The following HEMK2 variants were observed in gnomAD, a reference collection of about 807,000 sequenced individuals.
HEMK2 encodes methyltransferase HEMK2.
chr21:28,647,033 G>A, the HEMK2 span, among the ~76,000 whole-genome samples: 22 of 152,226 alleles, frequency 1.4e-4, no homozygotes, highest in Middle Eastern at 3.4e-3. Context: ...AGATATTGTC[G>A]CTGCCATCTT....
At chr21:28,595,762 A>G in the HEMK2 span, among the ~76,000 whole-genome samples, 1 of 144,260 alleles carries the variant, frequency 6.9e-6, no homozygotes, top group Non-Finnish European at 1.5e-5. Flanking sequence ...AACAGTTCTT[A>G]TTTTATTTTA....
chr21:28,826,501 C>T, the HEMK2 span, among the ~76,000 whole-genome samples: 1 of 152,140 alleles, frequency 6.6e-6, no homozygotes, highest in Non-Finnish European at 1.5e-5. Flanking sequence ...TCTTTCATAA[C>T]CAAATATTAA....
At chr21:28,789,920 A>G in the HEMK2 span, among the ~76,000 whole-genome samples, 5 of 152,220 alleles carry the variant, frequency 3.3e-5, no homozygotes, top group South Asian at 2.1e-4. Context: ...CCATATGAAG[A>G]TTTTTTTTAT....
At chr21:28,676,660 C>G in the HEMK2 span, among the ~76,000 whole-genome samples, 1 of 152,188 alleles carries the variant, frequency 6.6e-6, no homozygotes, top group Non-Finnish European at 1.5e-5. Context: ...AGCCTGGCCC[C>G]TCCTCTTCCT....
the HEMK2 span, among the ~76,000 whole-genome samples, chr21:28,810,109 T>A: frequency 6.6e-6 from 1 of 152,128 alleles, no homozygotes; most frequent in Non-Finnish European, 1.5e-5. Context: ...CTACCAGAAA[T>A]GTGCTTCTCT....
chr21:28,715,789 C>A, the HEMK2 span, among the ~76,000 whole-genome samples: 1 of 152,158 alleles, frequency 6.6e-6, no homozygotes, highest in Non-Finnish European at 1.5e-5. Flanking sequence ...ACATCTAAGT[C>A]TTTAATCTAT....
At chr21:28,823,758 T>A in the HEMK2 span, among the ~76,000 whole-genome samples, 1 of 152,118 alleles carries the variant, frequency 6.6e-6, no homozygotes, top group East Asian at 1.9e-4. Context: ...AAAATCATTG[T>A]CTCTTGGACA....
the HEMK2 span, among the ~76,000 whole-genome samples, chr21:28,640,222 T>C: frequency 1.3e-5 from 2 of 151,844 alleles, no homozygotes; most frequent in Non-Finnish European, 2.9e-5. Flanking sequence ...AAATGAAGAG[T>C]AGCAGACGCA....
At chr21:28,670,285 T>C in the HEMK2 span, among the ~76,000 whole-genome samples, 2 of 152,228 alleles carry the variant, frequency 1.3e-5, no homozygotes, top group South Asian at 2.1e-4. Flanking sequence ...AAGGAACTGA[T>C]GCAAATGACT....
chr21:28,600,159 G>A, the HEMK2 span, among the ~76,000 whole-genome samples: 1 of 152,248 alleles, frequency 6.6e-6, no homozygotes, highest in Non-Finnish European at 1.5e-5. Flanking sequence ...TGGGGACTCT[G>A]TGTGGGGGCT....
At chr21:28,831,887 G>C in the HEMK2 span, among the ~76,000 whole-genome samples, 1 of 151,962 alleles carries the variant, frequency 6.6e-6, no homozygotes. Context: ...ACGTACACAA[G>C]ACAGAAAACA....
the HEMK2 span, among the ~76,000 whole-genome samples, chr21:28,836,446 G>C: frequency 2.0e-5 from 3 of 151,598 alleles, no homozygotes; most frequent in Non-Finnish European, 2.9e-5. Flanking sequence ...AAGAGAATTC[G>C]CCATTACCAA....
the HEMK2 span, among the ~76,000 whole-genome samples, chr21:28,699,842 T>A: frequency 6.6e-6 from 1 of 152,242 alleles, no homozygotes; most frequent in African/African-American, 2.4e-5. Flanking sequence ...AAATGGGAAC[T>A]GCAAACGCTT....
At chr21:28,740,286 C>T in the HEMK2 span, among the ~76,000 whole-genome samples, 6 of 152,160 alleles carry the variant, frequency 3.9e-5, no homozygotes, top group Non-Finnish European at 7.3e-5. Flanking sequence ...GCCCAGACCA[C>T]GCAATAAGAT....
the HEMK2 span, among the ~76,000 whole-genome samples, chr21:28,724,172 T>A: frequency 6.6e-6 from 1 of 152,222 alleles, no homozygotes; most frequent in African/African-American, 2.4e-5. Flanking sequence ...GTGCTTTTTA[T>A]TTTTCTTTAA....
the HEMK2 span, chr21:28,878,386 A>G: frequency 2.5e-6 from 4 of 1,595,468 alleles, no homozygotes; most frequent in South Asian, 1.1e-5. Flanking sequence ...GATTTAGATC[A>G]CAAACTGAAT....
chr21:28,697,459 A>T, the HEMK2 span, among the ~76,000 whole-genome samples: 1 of 152,196 alleles, frequency 6.6e-6, no homozygotes, highest in Non-Finnish European at 1.5e-5. Context: ...ATTTTGGTCA[A>T]AACCATTCAA....
chr21:28,789,803 T>G, the HEMK2 span, among the ~76,000 whole-genome samples: 1 of 152,222 alleles, frequency 6.6e-6, no homozygotes. Flanking sequence ...GATAAGGCCC[T>G]GCTTAGGGCT....
chr21:28,843,960 T>A, the HEMK2 span, among the ~76,000 whole-genome samples: 1 of 152,290 alleles, frequency 6.6e-6, no homozygotes, highest in African/African-American at 2.4e-5. Flanking sequence ...TATATTTATA[T>A]GCACTATTAG....
Sources: gnomAD v4.1 joint callset for allele counts (sites outside exome capture counted in the v4.1 genomes callset) on GRCh38, gnomAD v4.1.1 for gene constraint, MANE v1.5 for transcripts, NCBI Gene and HGNC (gene_info 2026-07-23, HGNC 2026-07-21) for gene names.